PCDH15: variants seen among roughly 807,000 people sequenced by gnomAD.
PCDH15 encodes the protein protocadherin-15.
A neutral mutation model predicts 178.5 loss-of-function variants in PCDH15; 129 were observed. The ratio of observed to expected loss-of-function variants is 0.72; its 90% CI spans 0.63 to 0.84. The LOEUF (loss-of-function observed/expected upper bound fraction) is 0.84. Ranked by LOEUF, PCDH15 falls within the 40% of genes least tolerant of loss-of-function variation. PCDH15 has a pLI of 0.00. For synonymous variants in PCDH15, 800 were observed against 732.0 expected (o/e 1.09, Z -1.50); for missense variants, 2,230 against 2,099.9 (o/e 1.06, Z -1.21).
rs542941055 is a variant in PCDH15 at position 55,586,349 on chromosome 10, A to C, written c.-156+41276T>G. 6.6e-5 allele frequency among the ~76,000 whole-genome samples: 10 copies of C among 152,160 alleles called. 1 individual carries two copies. In the South Asian group the frequency reaches 2.1e-3, roughly 32 times the overall value. On this transcript the variant is annotated intron_variant, in intron 2 of 5. Transcript: ENST00000613346. Reference sequence around the variant, plus strand: ...ATTTCTATTTTAAATAATTTGATTAAAGACCAAATGCCTTGCCTTCTTTTC... The same window carrying C: ...ATTTCTATTTTAAATAATTTGATTACAGACCAAATGCCTTGCCTTCTTTTC...
chr10:55,375,513 C>T (rs978556045), intron 2 of PCDH15, among the ~76,000 whole-genome samples: 93 of 152,120 alleles, frequency 6.1e-4, no homozygotes, highest in African/African-American at 2.0e-3. Context: ...ATATTAATTG[C>T]CAAAACTTCT....
intron 2 of PCDH15, among the ~76,000 whole-genome samples, chr10:55,345,284 G>A (rs932557046): frequency 8.6e-5 from 13 of 151,828 alleles, no homozygotes; most frequent in East Asian, 1.9e-4. Flanking sequence ...AAAATATACC[G>A]AAAGCCAGTA....
At chr10:54,216,600 A>G (rs1454823926) in intron 9 of PCDH15, among the ~76,000 whole-genome samples, 1 of 152,172 alleles carries the variant, frequency 6.6e-6, no homozygotes, top group Non-Finnish European at 1.5e-5. Context: ...CTACATTAAG[A>G]TTTCATTAGT....
At chr10:54,947,182 A>AT (rs1838218466) in intron 2 of PCDH15, among the ~76,000 whole-genome samples, 1 of 151,936 alleles carries the variant, frequency 6.6e-6, no homozygotes, top group African/African-American at 2.4e-5. Context: ...ACTAGTTAAC[A>AT]TTTCTAGAGT....
intron 2 of PCDH15, among the ~76,000 whole-genome samples, chr10:55,544,897 C>T (rs189440323): frequency 2.0e-4 from 31 of 152,194 alleles, no homozygotes; most frequent in African/African-American, 7.2e-4. Context: ...ATGAGCAAAG[C>T]TCTAACACAA....
At chr10:54,055,952 C>T (rs533681185) in intron 18 of PCDH15, among the ~76,000 whole-genome samples, 1 of 152,262 alleles carries the variant, frequency 6.6e-6, no homozygotes, top group South Asian at 2.1e-4. Flanking sequence ...GCATCATGTT[C>T]TCCTACTTCT....
chr10:54,132,320 T>C (rs566527605), intron 15 of PCDH15, among the ~76,000 whole-genome samples: 31 of 152,312 alleles, frequency 2.0e-4, no homozygotes, highest in African/African-American at 7.0e-4. Flanking sequence ...CATATGCTCA[T>C]GAATCTCTAG....
intron 1 of PCDH15, among the ~76,000 whole-genome samples, chr10:54,695,050 G>A (rs2135853964): frequency 6.6e-6 from 1 of 151,714 alleles, no homozygotes; most frequent in East Asian, 2.0e-4. Flanking sequence ...CACACACCAG[G>A]GCCTGTTGTG....
In PCDH15 at chr10:54,780,149, G is replaced by A. The variant is rs531557427; in HGVS notation, c.-29+20776C>T. 3.9e-4 allele frequency among the ~76,000 whole-genome samples: 59 copies of A among 152,202 alleles called. No individual in the cohort carries two copies. In the South Asian group the frequency reaches 0.011, roughly 28 times the overall value. On this transcript the variant is annotated intron_variant, in intron 1 of 37. Transcript: ENST00000644397. ...TGTAAGATAAGTAAGACACTACTTC[G>A]TGTGAGGTGCCACACATAAGTTCTA...
chr10:55,613,472 A>G (rs1295357600), intron 2 of PCDH15, among the ~76,000 whole-genome samples: 1 of 152,182 alleles, frequency 6.6e-6, no homozygotes, highest in Non-Finnish European at 1.5e-5. Flanking sequence ...TAGACATTCA[A>G]CTTTCAAACA....
At chr10:54,003,736 C>CAAAAAA (rs55871741) in intron 20 of PCDH15, among the ~76,000 whole-genome samples, 1 of 76,204 alleles carries the variant, frequency 1.3e-5, no homozygotes, top group Non-Finnish European at 2.4e-5. Flanking sequence ...CAAACTATTC[C>CAAAAAA]AAAAAAAAAA....
At chr10:54,023,505 T>G (rs527352567) in intron 18 of PCDH15, among the ~76,000 whole-genome samples, 1 of 149,266 alleles carries the variant, frequency 6.7e-6, no homozygotes, top group Non-Finnish European at 1.5e-5. Context: ...TTTTGAATTC[T>G]AAAGTGAGAA....
intron 2 of PCDH15, among the ~76,000 whole-genome samples, chr10:54,655,261 AGAGAGAGAGAGAGAGAGAGAGAG>A (rs2094359402): frequency 1.4e-5 from 1 of 71,960 alleles, no homozygotes; most frequent in African/African-American, 4.8e-5. Context: ...AAAGAAAGAG[AGAGAGAGAGAGAGAGAGAGAGAG>A]AGAGAGAGAG....
chr10:54,220,825 AAAATAAATAAATAAAT>A lies in PCDH15; in HGVS notation c.986-6793_986-6778del, dbSNP rs10595887. Among the ~76,000 whole-genome samples the A allele has an allele frequency of 5.5e-3, 787 of 143,144 alleles. 2 individuals carry two copies. Among genetic ancestry groups the A allele is most frequent in the Non-Finnish European group, 9.0e-3 (594 of 66,192 alleles). The allele number at this position is 143,144 out of a possible 152,430, so 93.9% of individuals were successfully genotyped here. A position where few individuals can be genotyped will look rare whatever the true frequency, so the allele number is the denominator to read the frequency against. On this transcript the variant is annotated intron_variant, in intron 9 of 37. Transcript: ENST00000644397. ...GGGCGACAGAGCGAGACTCCGTCTC[AAAATAAATAAATAAAT>A]AAATAAATAAATAAATAAATAAATA...
intron 9 of PCDH15, among the ~76,000 whole-genome samples, chr10:54,218,445 T>G (rs2052356463): frequency 6.6e-6 from 1 of 151,686 alleles, no homozygotes; most frequent in South Asian, 2.1e-4. Context: ...TTTAAGAAGG[T>G]AATCAGATTA....
At chr10:55,591,438 A>C (rs954507222) in intron 2 of PCDH15, among the ~76,000 whole-genome samples, 4 of 152,032 alleles carry the variant, frequency 2.6e-5, no homozygotes, top group African/African-American at 9.7e-5. Flanking sequence ...CTCTCTCATA[A>C]ATAAATACAT....
At chr10:53,959,965 A>G in intron 22 of PCDH15, 121 bp from the exon 23 acceptor site, 5 of 768,776 alleles carry the variant, frequency 6.5e-6, no homozygotes, top group Non-Finnish European at 9.1e-6. Flanking sequence ...AGCAATGATC[A>G]TTTCCTCACT....
intron 26 of PCDH15, among the ~76,000 whole-genome samples, chr10:53,891,804 A>T (rs893482832): frequency 2.6e-5 from 4 of 151,296 alleles, no homozygotes; most frequent in African/African-American, 7.3e-5. Context: ...AATAAAAAAA[A>T]AAAAAAAATA....
At chr10:53,945,820 CTGAG>C (rs2086495643) in intron 23 of PCDH15, among the ~76,000 whole-genome samples, 1 of 139,492 alleles carries the variant, frequency 7.2e-6, no homozygotes, top group Non-Finnish European at 1.5e-5. Context: ...ATTTTTAAGG[CTGAG>C]TAATATTTCA....
Sources: allele counts gnomAD v4.1 joint callset (sites outside exome capture counted in the v4.1 genomes callset), GRCh38; gene constraint gnomAD v4.1.1; transcripts MANE v1.5; gene names NCBI Gene and HGNC (gene_info 2026-07-23, HGNC 2026-07-21).